The following TTC21A variants were observed in gnomAD, a reference collection of about 807,000 sequenced individuals.
TTC21A encodes the protein tetratricopeptide repeat domain 21A.
TTC21A carries 128 observed loss-of-function variants against 156.4 expected under a neutral mutation model. That is an observed-to-expected ratio of 0.82 (90% CI 0.71 to 0.95). The LOEUF is 0.95. TTC21A is among the 40% of genes least tolerant of loss of function. The pLI, the probability that TTC21A is intolerant of heterozygous loss-of-function variation, is 0.00. For missense variants in TTC21A, 1,435 were observed against 1,602.3 expected (o/e 0.90, Z 1.78); for synonymous variants, 587 against 617.1 (o/e 0.95, Z 0.72).
At chr3:39,108,148 A>C in intron 1 of TTC21A, 13 of 528,974 alleles carry the variant, frequency 2.5e-5, no homozygotes, top group African/African-American at 4.0e-5. Flanking sequence ...CACCCAGCTC[A>C]CTCTCGCCTG....
Position 39,130,893 on chromosome 3 carries a change from C to G in TTC21A, c.2458+54C>G. On this transcript the variant is annotated intron_variant, in intron 18 of 28. Coordinates refer to ENST00000683103, the MANE Select transcript of TTC21A (RefSeq NM_001366900.1). This position sits in a 1 kb window ranked among gnomAD's most constrained non-coding sequence, Gnocchi z 4.5. Reference sequence around the variant, plus strand: ...CATTTGGAGCAGACATACTCCTCCCCCATTCCCCATTAGCTGAAGTCCTGA... The same window carrying G: ...CATTTGGAGCAGACATACTCCTCCCGCATTCCCCATTAGCTGAAGTCCTGA... The G allele has an allele frequency of 6.2e-7, 1 of 1,610,510 alleles. No homozygotes were observed. Among genetic ancestry groups the G allele is most frequent in the South Asian group, 1.1e-5 (1 of 90,760 alleles).
chr3:39,118,610 T>C (rs1314517010), intron 7 of TTC21A: 1 of 168,872 alleles, frequency 5.9e-6, no homozygotes, highest in African/African-American at 2.4e-5. Flanking sequence ...TAGGGGATAG[T>C]TGGAACTGCT....
intron 9 of TTC21A, among the ~76,000 whole-genome samples, chr3:39,122,218 G>A (rs1435288982): frequency 2.0e-5 from 3 of 152,014 alleles, no homozygotes; most frequent in Admixed American, 6.5e-5. Context: ...CGCTGAGGCC[G>A]GAGAATCACT....
At chr3:39,136,833 T>C in intron 23 of TTC21A, 66 bp from the exon 24 acceptor site, 1 of 1,575,624 alleles carries the variant, frequency 6.3e-7, no homozygotes, top group Non-Finnish European at 8.6e-7. Context: ...AAGTGGTCCT[T>C]GTATATCCCT....
At position 39,110,838 on chromosome 3, in the gene TTC21A, C is replaced by T. The variant is rs373203015; in HGVS notation, c.269-13C>T. ...TCCTAACTCTCCCTCTTCCTTCGCT[C>T]TTGGATTTACAGACCGAGAAGCAAT... On this transcript the variant is annotated splice_polypyrimidine_tract_variant and intron_variant, in intron 3 of 28. Transcript: ENST00000683103. 1.9e-6 allele frequency: 3 copies of T among 1,613,414 alleles called. No individual in the cohort carries two copies. Among genetic ancestry groups the T allele is most frequent in the Non-Finnish European group, 2.5e-6 (3 of 1,179,964 alleles).
intron 6 of TTC21A, among the ~76,000 whole-genome samples, chr3:39,117,627 T>A (rs2037404391): frequency 6.6e-6 from 1 of 152,174 alleles, no homozygotes; most frequent in African/African-American, 2.4e-5. Flanking sequence ...TTAAATAACA[T>A]AAAAGGTTAT....
chr3:39,111,394 G>A (rs1374762255), intron 4 of TTC21A, among the ~76,000 whole-genome samples: 1 of 152,128 alleles, frequency 6.6e-6, no homozygotes, highest in Non-Finnish European at 1.5e-5. Flanking sequence ...TACATTTTTT[G>A]TAGAGACTGG....
At chr3:39,135,346 C>T (rs1355369358) in intron 22 of TTC21A, among the ~76,000 whole-genome samples, 172 bp downstream of exon 22, 1 of 152,244 alleles carries the variant, frequency 6.6e-6, no homozygotes, top group Non-Finnish European at 1.5e-5. Context: ...CGTGCCGGCC[C>T]TTCCCGAGTC....
At position 39,130,414 on chromosome 3, in the gene TTC21A, G is replaced by A; in HGVS notation, c.2319+56G>A. 1 of 1,426,818 alleles carries A rather than the reference G, an allele frequency of 7.0e-7. No individual in the cohort carries two copies. The highest frequency in any genetic ancestry group is 9.7e-7 in the Non-Finnish European group (1 of 1,030,228). 88.4% of individuals were successfully genotyped at this position (1,426,818 alleles called of 1,614,324 possible). A position where few individuals can be genotyped will look rare whatever the true frequency, so the allele number is the denominator to read the frequency against. ...GGAGGGCCAGCCCAGCAGGGAAGGA[G>A]GAGGACGGTACATGACTGGGGAGCT... is the stretch of plus-strand genomic sequence containing the variant. On this transcript the variant is annotated intron_variant, in intron 17 of 28. Transcript: ENST00000683103. The surrounding 1 kb of genome is among the most constrained non-coding windows in gnomAD (Gnocchi z 4.5).
chr3:39,118,233 A>C (rs1280800018), intron 7 of TTC21A, 80 bp downstream of exon 7: 1 of 1,428,378 alleles, frequency 7.0e-7, no homozygotes, highest in South Asian at 1.1e-5. Flanking sequence ...CACCTGACCC[A>C]AAGCCCTTGT....
In TTC21A at chr3:39,130,144, T is replaced by A. The variant is rs763677960; in HGVS notation, c.2201T>A (p.Ile734Asn). ...SLLLGDALMS[I>N]LEPEKALEVY... is the part of the protein sequence containing the mutation. ...CTACTGGGCGATGCCTTAATGAGCA[T>A]TCTGGAGGTAAGTGAGAGGCCTCAC... Residue 734 changes from isoleucine (I) to asparagine (N), a missense_variant, in exon 16 of 29, where the codon ATT (isoleucine) becomes AAT (asparagine). By Grantham distance (149) the Ile-to-Asn change is moderately radical. Coordinates refer to ENST00000683103, the MANE Select transcript of TTC21A (RefSeq NM_001366900.1). This position sits in a 1 kb window ranked among gnomAD's most constrained non-coding sequence, Gnocchi z 4.5. The A allele has an allele frequency of 3.7e-6, 6 of 1,613,986 alleles. No homozygotes were observed. The highest frequency in any genetic ancestry group is 5.1e-6 in the Non-Finnish European group (6 of 1,179,956).
intron 1 of TTC21A, chr3:39,108,230 A>C: frequency 2.6e-6 from 1 of 377,940 alleles, no homozygotes; most frequent in East Asian, 5.3e-5. Context: ...CCCTATACTC[A>C]TCTTCTAATC....
intron 1 of TTC21A, among the ~76,000 whole-genome samples, chr3:39,108,835 A>G (rs957543957): frequency 6.6e-6 from 1 of 152,138 alleles, no homozygotes. Context: ...ATTCCCCATC[A>G]TAGTTGAACC....
chr3:39,127,949 G>A (rs1243657503), intron 12 of TTC21A, among the ~76,000 whole-genome samples: 1 of 152,230 alleles, frequency 6.6e-6, no homozygotes, highest in African/African-American at 2.4e-5. Context: ...TAGAGCAGGA[G>A]CTTCTTAAAT....
In TTC21A at chr3:39,134,949, C is replaced by G; in HGVS notation, c.2863-144C>G. 1.4e-6 allele frequency: 1 copy of G among 697,604 alleles called. No homozygotes were observed. Among genetic ancestry groups the G allele is most frequent in the Non-Finnish European group, 2.5e-6 (1 of 395,582 alleles). 43.2% of individuals were successfully genotyped at this position (697,604 alleles called of 1,614,324 possible). A position where few individuals can be genotyped will look rare whatever the true frequency, so the allele number is the denominator to read the frequency against. On this transcript the variant is annotated intron_variant, in intron 21 of 28. Coordinates refer to ENST00000683103, the MANE Select transcript of TTC21A (RefSeq NM_001366900.1). The surrounding 1 kb of genome is among the most constrained non-coding windows in gnomAD (Gnocchi z 4.6). ...CCTCAGGCTTCTCCTGTGGCAGCTT[C>G]TCACAAGGCCTAGGGAGGCTGCCTT...
intron 7 of TTC21A, 108 bp from the exon 8 acceptor site, chr3:39,119,814 A>AT: frequency 1.3e-6 from 1 of 754,356 alleles, no homozygotes; most frequent in Non-Finnish European, 2.3e-6. Context: ...GGGCATGGGC[A>AT]TTTTTTAAAT....
At chr3:39,129,380 G>A (rs2038547396) in intron 15 of TTC21A, 70 bp downstream of exon 15, 1 of 1,203,242 alleles carries the variant, frequency 8.3e-7, no homozygotes, top group Non-Finnish European at 1.2e-6. Flanking sequence ...TCCTTCAGAT[G>A]GTATTTCTTC....
intron 24 of TTC21A, 45 bp from the exon 25 acceptor site, chr3:39,137,150 G>T: frequency 1.3e-6 from 2 of 1,599,362 alleles, no homozygotes; most frequent in Non-Finnish European, 1.7e-6. Flanking sequence ...GGCCACACGG[G>T]CAGGCCACCG....
intron 22 of TTC21A, 46 bp downstream of exon 22, chr3:39,135,220 A>G: frequency 6.5e-7 from 1 of 1,530,988 alleles, no homozygotes; most frequent in Non-Finnish European, 9.1e-7. Flanking sequence ...CCACTGAGCA[A>G]GGGCCGCTCT....
Sources: gnomAD v4.1 joint callset for allele counts (sites outside exome capture counted in the v4.1 genomes callset) on GRCh38, gnomAD v4.1.1 for gene constraint, Gnocchi (gnomAD v3.1) non-coding constraint, MANE v1.5 for transcripts, NCBI Gene and HGNC (gene_info 2026-07-23, HGNC 2026-07-21) for gene names.